Variants in CCDC7 observed in about 807,000 individuals in gnomAD.
CCDC7 encodes coiled-coil domain containing 7.
In CCDC7, 183 loss-of-function variants were observed where a neutral mutation model predicts 196.9. The ratio of observed to expected loss-of-function variants is 0.93; its 90% CI spans 0.82 to 1.05. The LOEUF is 1.05. Ranked by LOEUF, CCDC7 falls within the 50% of genes least tolerant of loss-of-function variation. CCDC7 has a pLI of 0.00. For synonymous variants in CCDC7, 525 were observed against 484.6 expected, an observed-to-expected ratio of 1.08 and a Z score of -1.10; for missense variants, 1,540 against 1,482.2, an observed-to-expected ratio of 1.04 and a Z score of -0.64.
upstream of CCDC7, among the ~76,000 whole-genome samples, chr10:32,445,754 T>C (rs2030775487): frequency 6.6e-6 from 1 of 152,184 alleles, no homozygotes; most frequent in Non-Finnish European, 1.5e-5. Flanking sequence ...TACACTTCCG[T>C]GCGAGCTTAG....
intron 13 of CCDC7, among the ~76,000 whole-genome samples, chr10:32,563,073 C>T (rs1287069111): frequency 6.6e-6 from 1 of 152,004 alleles, no homozygotes; most frequent in African/African-American, 2.4e-5. Flanking sequence ...AATAAAATAC[C>T]TAGGAATCCA....
At chr10:32,824,229 A>C (rs559085409) in intron 31 of CCDC7, among the ~76,000 whole-genome samples, 214 of 152,292 alleles carry the variant, frequency 1.4e-3, no homozygotes, top group African/African-American at 4.9e-3. Context: ...TGGAAAAAAT[A>C]GTTAAGAAAT....
At chr10:32,812,138 T>C (rs1200824283) in intron 30 of CCDC7, among the ~76,000 whole-genome samples, 2 of 152,062 alleles carry the variant, frequency 1.3e-5, no homozygotes, top group South Asian at 2.1e-4. Context: ...TGAGGTGATA[T>C]TCTAAATAAT....
At chr10:32,772,401 C>T (rs2079310813) in intron 28 of CCDC7, among the ~76,000 whole-genome samples, 1 of 152,188 alleles carries the variant, frequency 6.6e-6, no homozygotes, top group Non-Finnish European at 1.5e-5. Flanking sequence ...CATAAACTTT[C>T]CCCAGGGAAA....
intron 8 of CCDC7, among the ~76,000 whole-genome samples, chr10:32,478,242 T>C (rs1443436263): frequency 6.6e-6 from 1 of 152,212 alleles, no homozygotes; most frequent in Non-Finnish European, 1.5e-5. Context: ...TTCTTTGGGA[T>C]ATTCTATAGA....
intron 13 of CCDC7, among the ~76,000 whole-genome samples, chr10:32,553,309 A>G (rs1365230699): frequency 6.6e-6 from 1 of 151,388 alleles, no homozygotes; most frequent in Non-Finnish European, 1.5e-5. Flanking sequence ...TTTCTTGAGT[A>G]TTTCTCCCTT....
chr10:32,851,671 T>A (rs1484323069), intron 39 of CCDC7, 136 bp from the exon 41 acceptor site: 3 of 805,208 alleles, frequency 3.7e-6, no homozygotes, highest in East Asian at 6.1e-5. Flanking sequence ...AGTCTATGTA[T>A]CCTTTCAGTT....
intron 11 of CCDC7, among the ~76,000 whole-genome samples, chr10:32,529,215 G>A (rs953944719): frequency 3.3e-5 from 5 of 152,022 alleles, no homozygotes; most frequent in Non-Finnish European, 5.9e-5. Flanking sequence ...TAGAGATGGG[G>A]TTTCACATGT....
chr10:32,658,135 T>G (rs1225569312), intron 20 of CCDC7, among the ~76,000 whole-genome samples: 1 of 152,180 alleles, frequency 6.6e-6, no homozygotes, highest in Non-Finnish European at 1.5e-5. Flanking sequence ...GCCTTCTAAG[T>G]CCTCCAAACT....
chr10:32,758,795 G>C (rs1433682599), intron 28 of CCDC7, among the ~76,000 whole-genome samples: 5 of 152,156 alleles, frequency 3.3e-5, no homozygotes, highest in Non-Finnish European at 5.9e-5. Flanking sequence ...TAGGAAAAGA[G>C]GAAGTCAAAT....
rs150244922 is a variant in CCDC7 at position 32,824,524 on chromosome 10, A to T, written c.3188A>T (p.Asp1063Val). ...TCTGTTTACTTTTTTATAGAGACTG[A>T]TGAACGATTGCATAGTACAACTGAG... The change falls in exon 32 of 42, where the codon GAT becomes GTT. Residue 1063 changes from aspartate to valine, a missense_variant. Physicochemically the swap from Asp to Val is radical, Grantham distance 152 (BLOSUM62 -3). Coordinates refer to ENST00000639629, the Ensembl canonical transcript of CCDC7. 3.7e-6 allele frequency: 6 copies of T among 1,604,058 alleles called. No homozygotes were observed. The African/African-American group carries it at 5.4e-5, about 14-fold the overall frequency.
chr10:32,834,373 C>T (rs1047320075), intron 32 of CCDC7, among the ~76,000 whole-genome samples: 3 of 151,950 alleles, frequency 2.0e-5, no homozygotes, highest in Non-Finnish European at 1.5e-5. Context: ...TTATATTCCA[C>T]CTCACCAGGT....
At chr10:32,837,842 G>A (rs182345178) in intron 33 of CCDC7, among the ~76,000 whole-genome samples, 8 of 148,216 alleles carry the variant, frequency 5.4e-5, no homozygotes, top group South Asian at 2.2e-4. Flanking sequence ...ACCAAACACC[G>A]CATGTTCTCA....
intron 24 of CCDC7, among the ~76,000 whole-genome samples, chr10:32,705,267 G>C (rs1426984612): frequency 4.6e-5 from 7 of 152,086 alleles, no homozygotes; most frequent in South Asian, 4.1e-4. Context: ...CAAGCAAGTA[G>C]TGAGAGATTT....
chr10:32,679,966 G>A (rs1565110718), intron 21 of CCDC7, among the ~76,000 whole-genome samples: 1 of 152,164 alleles, frequency 6.6e-6, no homozygotes, highest in Non-Finnish European at 1.5e-5. Context: ...CTAGACAATA[G>A]CTTCTATTAT....
intron 28 of CCDC7, among the ~76,000 whole-genome samples, chr10:32,733,131 T>C (rs1777914492): frequency 6.6e-6 from 1 of 152,108 alleles, no homozygotes; most frequent in Admixed American, 6.5e-5. Flanking sequence ...TTTTTATTAC[T>C]CATATCTGTT....
chr10:32,700,305 C>A (rs868351794), intron 24 of CCDC7, among the ~76,000 whole-genome samples: 14 of 149,414 alleles, frequency 9.4e-5, no homozygotes, highest in South Asian at 4.2e-4. Flanking sequence ...CATTTATTAA[C>A]TAGGGAATCC....
intron 41 of CCDC7, among the ~76,000 whole-genome samples, chr10:32,874,981 G>T (rs1302261665): frequency 6.6e-6 from 1 of 151,928 alleles, no homozygotes; most frequent in African/African-American, 2.4e-5. Flanking sequence ...CATTGTGAGA[G>T]ATAGGGATCC....
intron 21 of CCDC7, among the ~76,000 whole-genome samples, chr10:32,667,211 GGTTT>G (rs750072923): frequency 1.6e-4 from 24 of 152,170 alleles, no homozygotes; most frequent in South Asian, 4.1e-4. Context: ...CTTTTTGATA[GGTTT>G]GTTTGATTTT....
Sources: allele counts gnomAD v4.1 joint callset (sites outside exome capture counted in the v4.1 genomes callset), GRCh38; gene constraint gnomAD v4.1.1; transcripts MANE v1.5; gene names NCBI Gene and HGNC (gene_info 2026-07-23, HGNC 2026-07-21).